Variants in PXDNL observed in about 807,000 individuals in gnomAD.
PXDNL encodes the protein probable oxidoreductase PXDNL.
Under a neutral mutation model 150.8 loss-of-function variants are expected in PXDNL, and 145 were observed. The ratio of observed to expected loss-of-function variants is 0.96; its 90% CI spans 0.84 to 1.10. The LOEUF is 1.10. PXDNL is among the 50% of genes least tolerant of loss of function. PXDNL has a pLI of 0.00. For synonymous variants in PXDNL, 757 were observed against 725.7 expected, an observed-to-expected ratio of 1.04 and a Z score of -0.69; for missense variants, 2,087 against 1,873.9, an observed-to-expected ratio of 1.11 and a Z score of -2.10.
At chr8:51,792,945 C>T (rs1194840428) in intron 1 of PXDNL, among the ~76,000 whole-genome samples, 2 of 152,188 alleles carry the variant, frequency 1.3e-5, no homozygotes, top group Admixed American at 1.3e-4. Flanking sequence ...AATGGGATGT[C>T]CCCCAGCACA....
rs1563433561 is a variant in PXDNL, at chr8:51,486,783, TA to T, written c.453-3070del. On this transcript the variant is annotated intron_variant, in intron 5 of 22. Coordinates refer to ENST00000356297, the MANE Select transcript of PXDNL (RefSeq NM_144651.5). The stretch of plus-strand genomic sequence containing the variant: ...ATATATATATATATATATATATATA[TA>T]TATATATATATTTTTTTTTTTTTTT... 8.9e-3 allele frequency among the ~76,000 whole-genome samples: 211 copies of T among 23,710 alleles called. 3 individuals are homozygous for T. Among genetic ancestry groups the T allele is most frequent in the East Asian group, 0.034 (13 of 382 alleles). The allele number at this position is 23,710 out of a possible 152,430, so 15.6% of individuals were successfully genotyped here.
intron 5 of PXDNL, among the ~76,000 whole-genome samples, chr8:51,490,046 A>G (rs1810853810): frequency 6.6e-6 from 1 of 152,222 alleles, no homozygotes. Context: ...GAGAAATGAC[A>G]TGGTTTATAT....
At chr8:51,565,321 A>ATAGATAGATAGATAG (rs1812800504) in intron 3 of PXDNL, among the ~76,000 whole-genome samples, 206 of 135,568 alleles carry the variant, frequency 1.5e-3, no homozygotes, top group African/African-American at 6.2e-3. Flanking sequence ...TAAATAAATA[A>ATAGATAGATAGATAG]ATAGATAGAT....
At chr8:51,397,001 A>G (rs1317571898) in intron 17 of PXDNL, among the ~76,000 whole-genome samples, 1 of 152,218 alleles carries the variant, frequency 6.6e-6, no homozygotes, top group Non-Finnish European at 1.5e-5. Flanking sequence ...TCTCTGCCAT[A>G]GCCACTCAAC....
At chr8:51,703,948 T>C (rs557473177) in intron 1 of PXDNL, among the ~76,000 whole-genome samples, 171 of 152,320 alleles carry the variant, frequency 1.1e-3, no homozygotes, top group Middle Eastern at 6.8e-3. Context: ...GTGTTTTAGT[T>C]GGGAAAAAAA....
chr8:51,756,163 G>A (rs774401176), intron 1 of PXDNL, among the ~76,000 whole-genome samples: 3 of 152,108 alleles, frequency 2.0e-5, no homozygotes, highest in Non-Finnish European at 4.4e-5. Flanking sequence ...GGAGGCCAAG[G>A]TGGGCAGATC....
In PXDNL at chr8:51,578,006, G is replaced by A. The variant is rs1194131090; in HGVS notation, c.308+14621C>T. 6.9e-3 allele frequency among the ~76,000 whole-genome samples: 537 copies of A among 77,700 alleles called. 13 individuals are homozygous for A. The highest frequency in any genetic ancestry group is 0.02 in the African/African-American group (258 of 12,814). The allele number at this position is 77,700 out of a possible 152,430, so 51.0% of individuals were successfully genotyped here. ...AAGAAAGAAAGAAAGAAAGAGGAAG[G>A]AAGGAAGGAAGGAAGGAAGGAAGGA... On this transcript the variant is annotated intron_variant, in intron 3 of 22. Coordinates refer to ENST00000356297, the MANE Select transcript of PXDNL (RefSeq NM_144651.5).
At chr8:51,433,314 GT>G (rs1031739501) in intron 12 of PXDNL, among the ~76,000 whole-genome samples, 4 of 150,852 alleles carry the variant, frequency 2.7e-5, no homozygotes, top group South Asian at 2.1e-4. Context: ...TAAAAAAAGG[GT>G]TTTTTTGTAG....
chr8:51,806,942 C>T (rs1176563073), intron 1 of PXDNL, among the ~76,000 whole-genome samples: 1 of 152,106 alleles, frequency 6.6e-6, no homozygotes, highest in African/African-American at 2.4e-5. Context: ...TGGCAGGTTC[C>T]CAGAGATATT....
chr8:51,625,072 C>T (rs535479542), intron 2 of PXDNL, among the ~76,000 whole-genome samples: 1 of 151,932 alleles, frequency 6.6e-6, no homozygotes, highest in Admixed American at 6.6e-5. Context: ...AAAATACAGA[C>T]CATGAAAACC....
intron 4 of PXDNL, among the ~76,000 whole-genome samples, chr8:51,525,792 A>G (rs7840568): frequency 0.22 from 33,258 of 152,156 alleles, 4,202 homozygotes; most frequent in African/African-American, 0.34. Flanking sequence ...TGGCAAGCAG[A>G]CAGCAGGACC....
intron 2 of PXDNL, among the ~76,000 whole-genome samples, chr8:51,646,123 G>T (rs1019150241): frequency 6.6e-6 from 1 of 152,122 alleles, no homozygotes; most frequent in Non-Finnish European, 1.5e-5. Flanking sequence ...TGCAGGTAGG[G>T]CCCCTCAAGA....
intron 2 of PXDNL, among the ~76,000 whole-genome samples, chr8:51,625,953 G>C (rs564737839): frequency 2.6e-5 from 4 of 152,114 alleles, no homozygotes; most frequent in African/African-American, 9.7e-5. Flanking sequence ...TCAAAATAAT[G>C]AGCAAATTAG....
At chr8:51,462,068 C>T (rs1810097086) in intron 8 of PXDNL, among the ~76,000 whole-genome samples, 1 of 152,120 alleles carries the variant, frequency 6.6e-6, no homozygotes, top group African/African-American at 2.4e-5. Context: ...TTAGAAAGCA[C>T]ACAGAAGCAA....
chr8:51,755,046 G>A (rs1306898411), intron 1 of PXDNL, among the ~76,000 whole-genome samples: 2 of 152,116 alleles, frequency 1.3e-5, no homozygotes, highest in Non-Finnish European at 2.9e-5. Flanking sequence ...CTCTGCACAA[G>A]TTACTAGAGA....
At position 51,684,163 on chromosome 8, in the gene PXDNL, A is replaced by G. The variant is rs550119588; in HGVS notation, c.165-29403T>C. On this transcript the variant is annotated intron_variant, in intron 1 of 22. Transcript: ENST00000356297. ...GCATCCACATGCTTATAAAGTATCT[A>G]TAATGATTTCTAACAGGAAAGGAGC... Among the ~76,000 whole-genome samples, 247 of 152,278 alleles carry G rather than the reference A, an allele frequency of 1.6e-3. 1 individual carries two copies. The highest frequency in any genetic ancestry group is 5.6e-3 in the African/African-American group (231 of 41,556).
At chr8:51,420,202 T>C (rs1413312790) in intron 14 of PXDNL, among the ~76,000 whole-genome samples, 1 of 152,218 alleles carries the variant, frequency 6.6e-6, no homozygotes, top group Non-Finnish European at 1.5e-5. Flanking sequence ...AATTACAACA[T>C]TCTACAATAA....
At chr8:51,372,180 A>C (rs1563379103) in intron 18 of PXDNL, 99 bp from the exon 19 acceptor site, 3 of 758,012 alleles carry the variant, frequency 4.0e-6, no homozygotes, top group Non-Finnish European at 6.5e-6. Context: ...AGCTCAACAT[A>C]AAAGACGCAT....
chr8:51,770,924 C>A (rs2037286594), intron 1 of PXDNL, among the ~76,000 whole-genome samples: 1 of 152,200 alleles, frequency 6.6e-6, no homozygotes, highest in Admixed American at 6.5e-5. Flanking sequence ...CTGCACACCA[C>A]ACCATCTTCC....
Sources: gnomAD v4.1 joint callset for allele counts (sites outside exome capture counted in the v4.1 genomes callset) on GRCh38, gnomAD v4.1.1 for gene constraint, MANE v1.5 for transcripts, NCBI Gene and HGNC (gene_info 2026-07-23, HGNC 2026-07-21) for gene names.